The following GABRG3 variants were observed in gnomAD, a reference collection of about 807,000 sequenced individuals.
GABRG3 encodes gamma-aminobutyric acid type A receptor subunit gamma3.
In GABRG3, 25 loss-of-function variants were observed where a neutral mutation model predicts 48.8. That is an observed-to-expected ratio of 0.51 (90% confidence interval 0.37 to 0.72). The LOEUF is 0.72. GABRG3 is among the 30% of genes least tolerant of loss of function. The pLI is 0.00. For synonymous variants in GABRG3, 227 were observed against 217.6 expected (o/e 1.04, Z -0.38); for missense variants, 394 against 577.9 (o/e 0.68, Z 3.26).
At chr15:27,029,683 C>G (rs181449704) in intron 3 of GABRG3, among the ~76,000 whole-genome samples, 1 of 152,260 alleles carries the variant, frequency 6.6e-6, no homozygotes, top group Admixed American at 6.5e-5. Context: ...AGGTGAGACA[C>G]GAGGAACCAA....
At chr15:27,190,615 CTTTT>C (rs980360144) in intron 3 of GABRG3, among the ~76,000 whole-genome samples, 1 of 152,118 alleles carries the variant, frequency 6.6e-6, no homozygotes, top group African/African-American at 2.4e-5. Context: ...ATTCTTCTCT[CTTTT>C]TTTCTTTATT....
intron 6 of GABRG3, chr15:27,481,059 A>G: frequency 8.2e-7 from 1 of 1,219,192 alleles, no homozygotes; most frequent in Non-Finnish European, 1.0e-6. Context: ...ATTACTGACC[A>G]TATTTACATA....
intron 2 of GABRG3, among the ~76,000 whole-genome samples, chr15:27,012,522 A>G (rs529234294): frequency 6.6e-6 from 1 of 152,030 alleles, no homozygotes; most frequent in Non-Finnish European, 1.5e-5. Context: ...TTTTTGTGGG[A>G]TGCATTATAT....
At chr15:27,118,722 T>G (rs537771868) in intron 3 of GABRG3, among the ~76,000 whole-genome samples, 23 of 152,312 alleles carry the variant, frequency 1.5e-4, no homozygotes, top group African/African-American at 5.3e-4. Context: ...GGATATGAAA[T>G]TTAAAAACCA....
intron 3 of GABRG3, among the ~76,000 whole-genome samples, chr15:27,126,365 T>C (rs780928526): frequency 4.6e-5 from 7 of 152,194 alleles, no homozygotes; most frequent in Non-Finnish European, 1.0e-4. Flanking sequence ...TTGTCTGACT[T>C]GGTGAATCCA....
intron 3 of GABRG3, among the ~76,000 whole-genome samples, chr15:27,103,137 A>T (rs1897389239): frequency 6.6e-6 from 1 of 152,164 alleles, no homozygotes; most frequent in Non-Finnish European, 1.5e-5. Flanking sequence ...TATGAAATTG[A>T]TGCTGGAGCA....
chr15:27,302,569 A>G (rs766355668), intron 3 of GABRG3, among the ~76,000 whole-genome samples: 4 of 152,082 alleles, frequency 2.6e-5, no homozygotes, highest in Non-Finnish European at 5.9e-5. Flanking sequence ...CACCTCAGTA[A>G]TATATGAATC....
chr15:27,167,828 G>A (rs868706573), intron 3 of GABRG3, among the ~76,000 whole-genome samples: 6 of 152,328 alleles, frequency 3.9e-5, no homozygotes, highest in Middle Eastern at 3.4e-3. Flanking sequence ...CCGTAGGGAA[G>A]GAGTGGCTGC....
intron 7 of GABRG3, among the ~76,000 whole-genome samples, chr15:27,522,432 A>G (rs985842802): frequency 6.7e-5 from 10 of 148,944 alleles, no homozygotes; most frequent in African/African-American, 2.6e-4. Flanking sequence ...GTGTGCGGTG[A>G]AGTTTAAAAA....
chr15:27,145,591 A>G (rs1316032126), intron 3 of GABRG3, among the ~76,000 whole-genome samples: 2 of 61,962 alleles, frequency 3.2e-5, no homozygotes, highest in Non-Finnish European at 9.5e-5. Context: ...AGGCATATAT[A>G]CATATATCTA....
intron 5 of GABRG3, among the ~76,000 whole-genome samples, chr15:27,394,589 GT>G (rs1291332779): frequency 2.1e-4 from 32 of 151,968 alleles, no homozygotes; most frequent in Non-Finnish European, 4.1e-4. Flanking sequence ...CTATCCATTT[GT>G]TTTTTCATTT....
chr15:27,253,381 C>A (rs1430424873), intron 3 of GABRG3, among the ~76,000 whole-genome samples: 1 of 152,182 alleles, frequency 6.6e-6, no homozygotes, highest in East Asian at 1.9e-4. Flanking sequence ...CCTGTCCCCT[C>A]TCCTTCTGCC....
chr15:27,084,796 A>G (rs1897048775), intron 3 of GABRG3, among the ~76,000 whole-genome samples: 1 of 152,200 alleles, frequency 6.6e-6, no homozygotes, highest in Non-Finnish European at 1.5e-5. Context: ...AGAAGCCAGG[A>G]GGCCAGGGTC....
intron 3 of GABRG3, among the ~76,000 whole-genome samples, chr15:27,052,187 T>G (rs1340846204): frequency 6.6e-6 from 1 of 152,124 alleles, no homozygotes; most frequent in Non-Finnish European, 1.5e-5. Flanking sequence ...AGAAGGATGG[T>G]GTGTTCTCTG....
At chr15:27,144,539 A>C (rs988720847) in intron 3 of GABRG3, among the ~76,000 whole-genome samples, 2 of 151,692 alleles carry the variant, frequency 1.3e-5, no homozygotes, top group East Asian at 3.9e-4. Flanking sequence ...TGAGATGGCA[A>C]TACAAGTTGG....
intron 3 of GABRG3, among the ~76,000 whole-genome samples, chr15:27,098,919 AAAG>A (rs576947474): frequency 1.6e-4 from 24 of 152,246 alleles, no homozygotes; most frequent in African/African-American, 5.3e-4. Flanking sequence ...CAGCACAGGA[AAAG>A]AAGAAGGCGG....
intron 3 of GABRG3, among the ~76,000 whole-genome samples, chr15:27,218,864 T>G (rs1889354833): frequency 6.6e-6 from 1 of 152,138 alleles, no homozygotes; most frequent in African/African-American, 2.4e-5. Flanking sequence ...TGATAAAGGC[T>G]CTGCATCCAT....
chr15:27,497,335 AC>A (rs1211465618), intron 6 of GABRG3, among the ~76,000 whole-genome samples: 2 of 152,168 alleles, frequency 1.3e-5, no homozygotes, highest in African/African-American at 4.8e-5. Flanking sequence ...CGAAAGACTC[AC>A]GGGTGCTGTA....
At chr15:27,412,938 A>T (rs1887840229) in intron 5 of GABRG3, among the ~76,000 whole-genome samples, 1 of 152,234 alleles carries the variant, frequency 6.6e-6, no homozygotes, top group African/African-American at 2.4e-5. Context: ...TCTTAAAAAA[A>T]TTCACAGTAA....
Sources: gnomAD v4.1 joint callset for allele counts (sites outside exome capture counted in the v4.1 genomes callset) on GRCh38, gnomAD v4.1.1 for gene constraint, MANE v1.5 for transcripts, NCBI Gene and HGNC (gene_info 2026-07-23, HGNC 2026-07-21) for gene names.